CRACD: variants seen among roughly 807,000 people sequenced by gnomAD.
The protein encoded by CRACD is capping protein inhibiting regulator of actin dynamics, also known as capping protein-inhibiting regulator of actin dynamics.
A neutral mutation model predicts 106.8 loss-of-function variants in CRACD; 56 were observed. That is an observed-to-expected ratio of 0.52 (90% CI 0.42 to 0.66). The LOEUF is 0.66. CRACD is among the 30% of genes least tolerant of loss of function. The pLI is 0.00. For missense variants in CRACD, 1,730 were observed against 1,623.2 expected (o/e 1.07, Z -1.13); for synonymous variants, 754 against 670.8 (o/e 1.12, Z -1.92).
intron 1 of CRACD, among the ~76,000 whole-genome samples, chr4:56,090,078 CAA>C (rs929107981): frequency 6.7e-6 from 1 of 149,560 alleles, no homozygotes; most frequent in African/African-American, 2.5e-5. Context: ...CAGTGGAGAG[CAA>C]GAGAAATACA....
chr4:56,260,433 T>C (rs1741625954), intron 2 of CRACD, among the ~76,000 whole-genome samples: 1 of 152,174 alleles, frequency 6.6e-6, no homozygotes, highest in East Asian at 1.9e-4. Flanking sequence ...ACTTGGAGAT[T>C]AAGTATCGTT....
intron 2 of CRACD, among the ~76,000 whole-genome samples, chr4:56,221,688 C>G (rs978819832): frequency 2.0e-5 from 3 of 151,854 alleles, no homozygotes; most frequent in Non-Finnish European, 4.4e-5. Flanking sequence ...TAAAAAAACT[C>G]CAAAACCCAA....
At position 56,274,077 on chromosome 4, in the gene CRACD, T is replaced by A. The variant is rs568700013; in HGVS notation, c.-17+1585T>A. On this transcript the variant is annotated intron_variant, in intron 3 of 10. Coordinates refer to ENST00000682029, the MANE Select transcript of CRACD (RefSeq NM_001393381.1). Reference sequence around the variant, plus strand: ...TGACAGCCCTGTGTTTATTTTCTGTTGTCTTTACTCTGTAGGGTAAGAAAA... The same window carrying A: ...TGACAGCCCTGTGTTTATTTTCTGTAGTCTTTACTCTGTAGGGTAAGAAAA... 4.1e-4 allele frequency among the ~76,000 whole-genome samples: 63 copies of A among 152,358 alleles called. 1 individual carries two copies. Among genetic ancestry groups the A allele is most frequent in the African/African-American group, 1.3e-3 (56 of 41,590 alleles).
At chr4:56,086,419 T>G (rs1256591749) in intron 1 of CRACD, among the ~76,000 whole-genome samples, 1 of 152,146 alleles carries the variant, frequency 6.6e-6, no homozygotes, top group East Asian at 1.9e-4. Flanking sequence ...GTTGGGATTA[T>G]AGGTGGTGAG....
intron 2 of CRACD, among the ~76,000 whole-genome samples, chr4:56,205,217 C>T (rs549501828): frequency 5.9e-5 from 9 of 152,174 alleles, no homozygotes; most frequent in South Asian, 4.2e-4. Context: ...ATGCCCCCCC[C>T]GCCAAATAAG....
intron 1 of CRACD, among the ~76,000 whole-genome samples, chr4:56,165,200 G>C (rs1339001619): frequency 6.6e-6 from 1 of 151,750 alleles, no homozygotes; most frequent in Non-Finnish European, 1.5e-5. Context: ...AGGCACTTTA[G>C]CAGACACATT....
rs577574776 is a variant in CRACD, at chr4:56,154,472, A to C, written c.-335-24812A>C. Among the ~76,000 whole-genome samples, 3 of 152,072 alleles carry C rather than the reference A, an allele frequency of 2.0e-5. No individual in the cohort carries two copies. The East Asian group carries it at 5.8e-4, about 29-fold the overall frequency. On this transcript the variant is annotated intron_variant, in intron 1 of 10. Transcript: ENST00000682029. ...CAGGAGTGAAATCCTGTCATAAATA[A>C]ATAAATAAGATTGTTGATGTAAGAG...
chr4:56,316,268 A>G lies in CRACD; in HGVS notation c.2766A>G (p.Glu922=). The G allele has an allele frequency of 6.2e-7, 1 of 1,613,894 alleles. No individual in the cohort carries two copies. Among genetic ancestry groups the G allele is most frequent in the Non-Finnish European group, 8.5e-7 (1 of 1,179,832 alleles). The part of the protein sequence containing the change: ...QAPSTRRDSA[E]PSSSRSVPVA... ...CTTCCACCCGGAGGGACTCCGCTGA[A>G]CCTTCCAGCAGCCGCTCTGTTCCTG... is the stretch of plus-strand genomic sequence containing the variant. Residue 922 remains glutamate, a synonymous_variant, in exon 8 of 11, where the codon GAA becomes GAG. Coordinates refer to ENST00000682029, the MANE Select transcript of CRACD (RefSeq NM_001393381.1).
intron 2 of CRACD, among the ~76,000 whole-genome samples, chr4:56,257,940 C>T (rs1296919445): frequency 1.3e-5 from 2 of 151,746 alleles, no homozygotes; most frequent in South Asian, 2.1e-4. Flanking sequence ...CATGGTGGCG[C>T]GTGCCTGTAG....
chr4:56,106,316 G>A (rs566549787), intron 1 of CRACD, among the ~76,000 whole-genome samples: 2 of 152,292 alleles, frequency 1.3e-5, no homozygotes, highest in South Asian at 2.1e-4. Context: ...ATTATAAACC[G>A]TAAACAACTG....
At chr4:56,112,026 T>G (rs772889429) in intron 1 of CRACD, among the ~76,000 whole-genome samples, 8 of 152,356 alleles carry the variant, frequency 5.3e-5, no homozygotes, top group Middle Eastern at 3.4e-3. Context: ...AAGACACTTA[T>G]GAGCTGAAGT....
intron 1 of CRACD, among the ~76,000 whole-genome samples, chr4:56,068,035 G>C (rs1041026522): frequency 3.9e-5 from 6 of 152,204 alleles, no homozygotes; most frequent in Non-Finnish European, 8.8e-5. Context: ...TGAGGCTGCA[G>C]GCAGCAAATG....
At chr4:56,225,618 T>G (rs879631936) in intron 2 of CRACD, among the ~76,000 whole-genome samples, 2 of 152,170 alleles carry the variant, frequency 1.3e-5, no homozygotes, top group Non-Finnish European at 2.9e-5. Context: ...TTTTGAGTCT[T>G]AGGGGTGCCT....
intron 1 of CRACD, among the ~76,000 whole-genome samples, chr4:56,150,925 C>T (rs1353402062): frequency 6.6e-6 from 1 of 152,134 alleles, no homozygotes; most frequent in Non-Finnish European, 1.5e-5. Context: ...TAGATAGTGC[C>T]GAACAGTTGT....
chr4:56,145,848 T>C (rs1168262441), intron 1 of CRACD, among the ~76,000 whole-genome samples: 1 of 152,148 alleles, frequency 6.6e-6, no homozygotes, highest in African/African-American at 2.4e-5. Flanking sequence ...GGTCTTGAAC[T>C]CCTGAGCTCA....
At chr4:56,188,684 T>A (rs200624673) in intron 2 of CRACD, among the ~76,000 whole-genome samples, 2,839 of 99,790 alleles carry the variant, frequency 0.028, 113 homozygotes, top group African/African-American at 0.095. Flanking sequence ...TCTCTCTCTC[T>A]CTCACACACA....
intron 6 of CRACD, among the ~76,000 whole-genome samples, chr4:56,312,649 T>C (rs1745236080): frequency 6.6e-6 from 1 of 152,176 alleles, no homozygotes. Flanking sequence ...GACTAAGTCC[T>C]GTGTAGGAGC....
At chr4:56,093,497 C>T (rs1373236085) in intron 1 of CRACD, among the ~76,000 whole-genome samples, 1 of 152,024 alleles carries the variant, frequency 6.6e-6, no homozygotes, top group Admixed American at 6.6e-5. Context: ...CCAAAGTGGC[C>T]CTGTAGAGTT....
intron 1 of CRACD, among the ~76,000 whole-genome samples, chr4:56,136,092 A>G (rs1577685346): frequency 6.6e-6 from 1 of 151,962 alleles, no homozygotes; most frequent in Middle Eastern, 3.4e-3. Flanking sequence ...GTTGTTTTGT[A>G]TATCAATAGT....
Sources: gnomAD v4.1 joint callset for allele counts (sites outside exome capture counted in the v4.1 genomes callset) on GRCh38, gnomAD v4.1.1 for gene constraint, MANE v1.5 for transcripts, NCBI Gene and HGNC (gene_info 2026-07-23, HGNC 2026-07-21) for gene names.